GTF2A1L: variants seen among roughly 807,000 people sequenced by gnomAD.
The protein encoded by GTF2A1L is TFIIA-alpha and beta-like factor.
In GTF2A1L, 48 loss-of-function variants were observed where a neutral mutation model predicts 49.7. That is an observed-to-expected ratio of 0.97 (90% CI 0.77 to 1.23). The LOEUF is 1.23. Among genes scored for constraint, GTF2A1L ranks in the 50% most tolerant of loss-of-function variants. The pLI is 0.00. For missense variants in GTF2A1L, 736 were observed against 564.8 expected (o/e 1.30, Z -3.07); for synonymous variants, 246 against 193.5 (o/e 1.27, Z -2.25).
chr2:48,625,500 G>A lies in GTF2A1L; in HGVS notation c.247+4210G>A, dbSNP rs1016645951. On this transcript the variant is annotated intron_variant, in intron 3 of 8. Coordinates refer to ENST00000403751, the MANE Select transcript of GTF2A1L (RefSeq NM_006872.5). ...TATATGGTTTGCAAATATTTTCTCC[G>A]TATCTGTTGGCTGCTGTTTTATTTT... Among the ~76,000 whole-genome samples, 4 of 143,830 alleles carry A rather than the reference G, an allele frequency of 2.8e-5. 1 individual carries two copies. In the South Asian group the frequency reaches 7.1e-4, roughly 25 times the overall value. 94.4% of individuals were successfully genotyped at this position (143,830 alleles called of 152,430 possible).
rs1261667985 is a variant in GTF2A1L, at chr2:48,646,711, A to T, written c.647A>T (p.Asp216Val). The T allele has an allele frequency of 6.2e-7, 1 of 1,614,104 alleles. No individual in the cohort carries two copies. Among genetic ancestry groups the T allele is most frequent in the African/African-American group, 1.3e-5 (1 of 74,936 alleles). Residue 216 changes from aspartate to valine, a missense_variant, in exon 6 of 9, where the codon GAT becomes GTT. Physicochemically the swap from Asp to Val is radical, Grantham distance 152. Coordinates refer to ENST00000403751, the MANE Select transcript of GTF2A1L (RefSeq NM_006872.5). ...AAACACTTAGAAAATGCCACCAGTG[A>T]TATACTTGTATCTCCTGGAAATGAG... ...DRKHLENATS[D>V]ILVSPGNEHK...
rs556605514 is a variant in GTF2A1L, at chr2:48,625,639, G to A, written c.247+4349G>A. 1.3e-3 allele frequency among the ~76,000 whole-genome samples: 191 copies of A among 143,040 alleles called. 15 individuals carry two copies. The highest frequency in any genetic ancestry group is 4.3e-3 in the African/African-American group (175 of 40,272). 93.8% of individuals were successfully genotyped at this position (143,040 alleles called of 152,430 possible). A position where few individuals can be genotyped will look rare whatever the true frequency, so the allele number is the denominator to read the frequency against. ...GCTCTGTCATCCATGCTGGAGTACA[G>A]TGGAGCAATCATAGGTCACTGTAGC... is the stretch of plus-strand genomic sequence containing the variant. On this transcript the variant is annotated intron_variant, in intron 3 of 8. Coordinates refer to ENST00000403751, the MANE Select transcript of GTF2A1L (RefSeq NM_006872.5).
intron 6 of GTF2A1L, among the ~76,000 whole-genome samples, chr2:48,664,963 C>T (rs901352446): frequency 1.3e-5 from 2 of 152,042 alleles, no homozygotes; most frequent in Non-Finnish European, 2.9e-5. Context: ...CTCTGTTGCT[C>T]GGGCTGGAGT....
rs1382589332 is a variant in GTF2A1L at position 48,669,812 on chromosome 2, T to C, written c.1069T>C (p.Ser357Pro). The C allele has an allele frequency of 6.2e-7, 1 of 1,614,058 alleles. No homozygotes were observed. The highest frequency in any genetic ancestry group is 8.5e-7 in the Non-Finnish European group (1 of 1,179,988). Residue 357 changes from serine (S) to proline (P), a missense_variant, in exon 7 of 9, where the codon TCC becomes CCC. Ser to Pro is a moderately conservative substitution (Grantham distance 74). Coordinates refer to ENST00000403751, the MANE Select transcript of GTF2A1L (RefSeq NM_006872.5). ...IQVDGSGDTS[S>P]NEEIGSTRDA... ...AGTAGATGGAAGCGGTGATACATCT[T>C]CCAATGAAGAAATAGGAAGTACAAG...
chr2:48,645,694 G>T (rs1447139610), intron 5 of GTF2A1L, among the ~76,000 whole-genome samples: 1 of 152,144 alleles, frequency 6.6e-6, no homozygotes, highest in African/African-American at 2.4e-5. Context: ...TGTCGCCCAC[G>T]CTGTAGTGCA....
intron 1 of GTF2A1L, among the ~76,000 whole-genome samples, chr2:48,620,284 G>C (rs1675908009): frequency 6.6e-6 from 1 of 152,152 alleles, no homozygotes; most frequent in Non-Finnish European, 1.5e-5. Context: ...GAGATTATTA[G>C]CTCATATGTT....
At position 48,656,367 on chromosome 2, in the gene GTF2A1L, T is replaced by G. The variant is rs1033424299; in HGVS notation, c.978+9325T>G. Among the ~76,000 whole-genome samples the G allele has an allele frequency of 6.9e-4, 103 of 149,856 alleles. No homozygotes were observed. In the South Asian group the frequency reaches 0.016, roughly 23 times the overall value. On this transcript the variant is annotated intron_variant, in intron 6 of 8. Transcript: ENST00000403751. ...TTTTCTGTTTTTTTTTTTTTTTTTT[T>G]TTTTTTTTTTAATAATTGCTACCCT...
rs1278169528 is a variant in GTF2A1L, at chr2:48,644,869, T to C, written c.304-164T>C. Among the ~76,000 whole-genome samples the C allele has an allele frequency of 3.3e-5, 5 of 152,188 alleles. No individual in the cohort carries two copies. The East Asian group carries it at 9.6e-4, about 29-fold the overall frequency. ...TCTTGATCCTTAATGGGATGATCGA[T>C]ATTGAAAACTATTTTATTCAAAGAA... is the stretch of plus-strand genomic sequence containing the variant. On this transcript the variant is annotated intron_variant, in intron 4 of 8. Transcript: ENST00000403751.
chr2:48,649,239 G>A (rs972362886), intron 6 of GTF2A1L, among the ~76,000 whole-genome samples: 1 of 152,088 alleles, frequency 6.6e-6, no homozygotes, highest in Non-Finnish European at 1.5e-5. Flanking sequence ...AAGGTTAGTC[G>A]ATATCGTAGC....
chr2:48,625,795 C>A (rs1572697710), intron 3 of GTF2A1L, among the ~76,000 whole-genome samples: 2 of 143,200 alleles, frequency 1.4e-5, no homozygotes, highest in African/African-American at 5.0e-5. Flanking sequence ...GTCGTCCAGG[C>A]TGGTCTTGAA....
At chr2:48,657,379 A>T (rs1678240994) in intron 6 of GTF2A1L, among the ~76,000 whole-genome samples, 1 of 152,116 alleles carries the variant, frequency 6.6e-6, no homozygotes. Context: ...TCCTGTGTTA[A>T]TTCACTTAGG....
At chr2:48,652,908 C>T (rs936161482) in intron 6 of GTF2A1L, among the ~76,000 whole-genome samples, 1 of 151,448 alleles carries the variant, frequency 6.6e-6, no homozygotes, top group Non-Finnish European at 1.5e-5. Context: ...GTTGGCCAGG[C>T]TGGACTCGAA....
Position 48,631,053 on chromosome 2 carries a change from C to G in GTF2A1L, c.247+9763C>G, listed in dbSNP as rs146614281. ...TTGTTAAGGATTTTTGCTCTGTGTT[C>G]ATCAGGGATGTTGGCCTATACTTTT... On this transcript the variant is annotated intron_variant, in intron 3 of 8. Coordinates refer to ENST00000403751, the MANE Select transcript of GTF2A1L (RefSeq NM_006872.5). Among the ~76,000 whole-genome samples the G allele has an allele frequency of 4.6e-3, 704 of 152,204 alleles. 6 individuals are homozygous for G. Among genetic ancestry groups the G allele is most frequent in the Middle Eastern group, 0.024 (7 of 294 alleles).
intron 6 of GTF2A1L, among the ~76,000 whole-genome samples, chr2:48,661,024 G>A (rs192649270): frequency 1.3e-5 from 2 of 152,194 alleles, no homozygotes; most frequent in East Asian, 3.9e-4. Flanking sequence ...TCTTTTTGAA[G>A]AAGCAACTCT....
intron 6 of GTF2A1L, among the ~76,000 whole-genome samples, chr2:48,657,642 C>T (rs970640884): frequency 3.9e-5 from 6 of 151,932 alleles, no homozygotes; most frequent in African/African-American, 1.4e-4. Flanking sequence ...CTGGATTGAA[C>T]GGTAGCTCTA....
intron 6 of GTF2A1L, among the ~76,000 whole-genome samples, chr2:48,665,941 A>AT (rs1242891786): frequency 2.0e-5 from 3 of 151,782 alleles, no homozygotes; most frequent in Non-Finnish European, 1.5e-5. Flanking sequence ...TCTATTTTTT[A>AT]TTTTTATTAC....
chr2:48,625,427 G>A (rs1333985660), intron 3 of GTF2A1L, among the ~76,000 whole-genome samples: 2 of 144,000 alleles, frequency 1.4e-5, no homozygotes, highest in African/African-American at 4.9e-5. Context: ...CTGTTATTGA[G>A]TTGTGTAAAT....
intron 6 of GTF2A1L, among the ~76,000 whole-genome samples, chr2:48,658,839 C>A (rs893288580): frequency 2.3e-5 from 3 of 129,684 alleles, no homozygotes; most frequent in African/African-American, 9.6e-5. Flanking sequence ...TGTAATGTCA[C>A]CTTTGTCTTT....
chr2:48,646,856 C>G lies in GTF2A1L; in HGVS notation c.792C>G (p.Leu264=). The G allele has an allele frequency of 6.2e-7, 1 of 1,614,170 alleles. No individual in the cohort carries two copies. The highest frequency in any genetic ancestry group is 8.5e-7 in the Non-Finnish European group (1 of 1,180,018). ...CAAATTCTAATGTGGAGTCAGTGCT[C>G]AGTGGTTCAGCTAGCATGGCTCAAA... is the stretch of plus-strand genomic sequence containing the variant. ...SQTNSNVESV[L]SGSASMAQNL... The change falls in exon 6 of 9, where the codon CTC becomes CTG. Residue 264 remains leucine (L), a synonymous_variant. Transcript: ENST00000403751.
Sources: gnomAD v4.1 joint callset for allele counts (sites outside exome capture counted in the v4.1 genomes callset) on GRCh38, gnomAD v4.1.1 for gene constraint, MANE v1.5 for transcripts, NCBI Gene and HGNC (gene_info 2026-07-23, HGNC 2026-07-21) for gene names.